TOR3A: variants seen among roughly 807,000 people sequenced by gnomAD.
TOR3A encodes the protein torsin family 3 member A.
A neutral mutation model predicts 42.1 loss-of-function variants in TOR3A; 44 were observed. That is an observed-to-expected ratio of 1.04 (90% CI 0.82 to 1.34). The LOEUF is 1.34. Ranked by LOEUF, TOR3A falls within the 40% of genes most tolerant of loss-of-function variation. TOR3A has a pLI of 0.00. For missense variants in TOR3A, 521 were observed against 507.6 expected, an observed-to-expected ratio of 1.03 and a Z score of -0.25; for synonymous variants, 227 against 213.2, an observed-to-expected ratio of 1.06 and a Z score of -0.57.
Position 179,082,647 on chromosome 1 carries a change from C to T in TOR3A, c.259+260C>T, listed in dbSNP as rs183311629. On this transcript the variant is annotated intron_variant, in intron 1 of 5. Transcript: ENST00000367627. ...CGCCTCCCCTGATCCCTGCGCTTTC[C>T]AGATTCTCTCGCACCGCCTGTGCCA... The T allele has an allele frequency of 3.8e-5, 27 of 712,064 alleles. No individual in the cohort carries two copies. The Admixed American group carries it at 3.8e-4, about 10-fold the overall frequency. 44.1% of individuals were successfully genotyped at this position (712,064 alleles called of 1,614,324 possible).
intron 4 of TOR3A, among the ~76,000 whole-genome samples, chr1:179,089,711 C>T (rs778933510): frequency 1.3e-5 from 2 of 152,174 alleles, no homozygotes; most frequent in Admixed American, 6.5e-5. Context: ...AGCCCTGGGT[C>T]GGGCAGTCCA....
Position 179,088,017 on chromosome 1 carries a change from G to GGT in TOR3A, c.747_748insTG (p.Pro250CysfsTer4). The GGT allele has an allele frequency of 1.2e-6, 2 of 1,613,628 alleles. No homozygotes were observed. Among genetic ancestry groups the GGT allele is most frequent in the South Asian group, 2.2e-5 (2 of 91,036 alleles). Reference sequence around the variant, plus strand: ...CACCCAGGGCTGCTGGAGGTCCTTGGGCCACACTTAGAACGCCGGGCCCCT... The same window carrying GGT: ...CACCCAGGGCTGCTGGAGGTCCTTGGGTGCCACACTTAGAACGCCGGGCCCCT... On this transcript the variant is annotated frameshift_variant, in exon 4 of 6. Transcript: ENST00000367627. LOFTEE classifies it high-confidence loss of function.
At chr1:179,083,188 T>G (rs747036186) in intron 2 of TOR3A, 135 bp downstream of exon 2, 2 of 527,542 alleles carry the variant, frequency 3.8e-6, no homozygotes, top group Non-Finnish European at 6.5e-6. Context: ...ACAGTCTGAC[T>G]GAAGTTTTGA....
chr1:179,082,507 G>GCCGC (rs1652317332), intron 1 of TOR3A, 120 bp downstream of exon 1: 5 of 1,396,272 alleles, frequency 3.6e-6, no homozygotes, highest in South Asian at 2.9e-5. Flanking sequence ...GCTCTGCTCA[G>GCCGC]CCGCCGGTAC....
chr1:179,088,674 C>T (rs1011921491), intron 4 of TOR3A, among the ~76,000 whole-genome samples: 4 of 152,196 alleles, frequency 2.6e-5, no homozygotes, highest in Non-Finnish European at 5.9e-5. Flanking sequence ...CTCTGAGTAC[C>T]TGTAGTTCAG....
chr1:179,084,516 G>A (rs1177122898), intron 2 of TOR3A, among the ~76,000 whole-genome samples: 2 of 152,166 alleles, frequency 1.3e-5, no homozygotes, highest in African/African-American at 2.4e-5. Flanking sequence ...GAACCACCTC[G>A]CCCAGCCAGT....
Position 179,089,716 on chromosome 1 carries a change from A to T in TOR3A, c.818+1627A>T, listed in dbSNP as rs149956341. ...TCTCCACCTGAGCCCTGGGTCGGGC[A>T]GTCCAGGGGACCCTCTGAACCACCG... On this transcript the variant is annotated intron_variant, in intron 4 of 5. Transcript: ENST00000367627. Among the ~76,000 whole-genome samples, 868 of 152,276 alleles carry T rather than the reference A, an allele frequency of 5.7e-3. 9 individuals are homozygous for T. The highest frequency in any genetic ancestry group is 0.02 in the African/African-American group (817 of 41,572).
chr1:179,088,889 C>T (rs753406652), intron 4 of TOR3A, among the ~76,000 whole-genome samples: 63 of 152,286 alleles, frequency 4.1e-4, no homozygotes, highest in Non-Finnish European at 8.2e-4. Context: ...CACAACAGCT[C>T]GAGCCTCGGT....
At position 179,082,071 on chromosome 1, in the gene TOR3A, G is replaced by A; in HGVS notation, c.-58G>A. 1 of 1,412,436 alleles carries A rather than the reference G, an allele frequency of 7.1e-7. No individual in the cohort carries two copies. Among genetic ancestry groups the A allele is most frequent in the Non-Finnish European group, 9.1e-7 (1 of 1,094,522 alleles). 87.5% of individuals were successfully genotyped at this position (1,412,436 alleles called of 1,614,324 possible). A position where few individuals can be genotyped will look rare whatever the true frequency, so the allele number is the denominator to read the frequency against. ...GTGCGGTCCCCGCCTGACCGCCCCG[G>A]GCTTAAGGGAGCCTGGCTAGGCCGG... is the stretch of plus-strand genomic sequence containing the variant. On this transcript the variant is annotated 5_prime_UTR_variant, in exon 1 of 6. Coordinates refer to ENST00000367627, the MANE Select transcript of TOR3A (RefSeq NM_022371.4).
chr1:179,082,513 G>T, intron 1 of TOR3A, 126 bp downstream of exon 1: 18 of 1,364,972 alleles, frequency 1.3e-5, no homozygotes, highest in Non-Finnish European at 1.8e-5. Flanking sequence ...CTCAGCCGCC[G>T]GTACCGGCTG....
Position 179,095,124 on chromosome 1 carries a change from C to T in TOR3A, c.1100C>T (p.Ala367Val), listed in dbSNP as rs766828497. ...AAAGAAGAGACACTGGATGAAATAG[C>T]CCAGATGATGGTGTATGTCCCCAAG... is the stretch of plus-strand genomic sequence containing the variant. ...LYKEETLDEIAQMMVYVPKEE... is the reference protein window; with the variant it reads ...LYKEETLDEIVQMMVYVPKEE... The change falls in exon 6 of 6, where the codon GCC becomes GTC. Residue 367 changes from alanine (A) to valine (V), a missense_variant. Physicochemically the swap from Ala to Val is moderately conservative, Grantham distance 64. Transcript: ENST00000367627. 3 of 1,614,172 alleles carry T rather than the reference C, an allele frequency of 1.9e-6. No individual in the cohort carries two copies. The highest frequency in any genetic ancestry group is 2.5e-6 in the Non-Finnish European group (3 of 1,180,036).
intron 4 of TOR3A, 50 bp downstream of exon 4, chr1:179,088,139 T>A: frequency 6.7e-7 from 1 of 1,491,112 alleles, no homozygotes; most frequent in Non-Finnish European, 9.0e-7. Context: ...GGGAAGATAC[T>A]AGCTGGCAGT....
intron 4 of TOR3A, chr1:179,091,693 G>A (rs959193861): frequency 6.6e-6 from 1 of 152,374 alleles, no homozygotes; most frequent in Non-Finnish European, 1.5e-5. Context: ...AGGCCCTGGA[G>A]TCCATGCCCC....
intron 2 of TOR3A, among the ~76,000 whole-genome samples, chr1:179,084,909 G>C (rs1652387464): frequency 6.6e-6 from 1 of 152,204 alleles, no homozygotes. Context: ...CACTGGAGCT[G>C]CTCTCACCAA....
intron 4 of TOR3A, 39 bp downstream of exon 4, chr1:179,088,128 G>T (rs1221801530): frequency 1.3e-6 from 2 of 1,515,110 alleles, no homozygotes; most frequent in African/African-American, 2.8e-5. Context: ...GGCTGGGGGA[G>T]GGGAAGATAC....
In TOR3A at chr1:179,095,133, T is replaced by C; in HGVS notation, c.1109T>C (p.Met370Thr). The C allele has an allele frequency of 6.2e-7, 1 of 1,614,218 alleles. No individual in the cohort carries two copies. The highest frequency in any genetic ancestry group is 8.5e-7 in the Non-Finnish European group (1 of 1,180,046). ...ACACTGGATGAAATAGCCCAGATGA[T>C]GGTGTATGTCCCCAAGGAGGAACAA... is the stretch of plus-strand genomic sequence containing the variant. ...EETLDEIAQM[M>T]VYVPKEEQLF... The change falls in exon 6 of 6, where the codon ATG becomes ACG. Residue 370 changes from methionine to threonine, a missense_variant. Coordinates refer to ENST00000367627, the MANE Select transcript of TOR3A (RefSeq NM_022371.4).
chr1:179,085,475 T>A (rs1164719530), intron 2 of TOR3A, 153 bp from the exon 3 acceptor site: 1 of 862,586 alleles, frequency 1.2e-6, no homozygotes, highest in Non-Finnish European at 1.9e-6. Context: ...CTACAAAGTC[T>A]GCCCTCTGGC....
rs141834791 is a variant in TOR3A at position 179,085,894 on chromosome 1, G to A, written c.639+1G>A. ...CCCCAAATATGTGGACCTGTACAAG[G>A]TGAGGCCGACCAGGGCTGGGGTGAG... is the stretch of plus-strand genomic sequence containing the variant. On this transcript the variant is annotated splice_donor_variant, in intron 3 of 5. Coordinates refer to ENST00000367627, the MANE Select transcript of TOR3A (RefSeq NM_022371.4). LOFTEE classifies it high-confidence loss of function. 120 of 1,612,734 alleles carry A rather than the reference G, an allele frequency of 7.4e-5. No homozygotes were observed. Among genetic ancestry groups the A allele is most frequent in the Non-Finnish European group, 9.8e-5 (116 of 1,179,280 alleles).
intron 2 of TOR3A, among the ~76,000 whole-genome samples, chr1:179,083,733 G>A (rs1047201468): frequency 3.9e-5 from 6 of 152,000 alleles, no homozygotes; most frequent in African/African-American, 1.4e-4. Flanking sequence ...AATTAGTTTG[G>A]GTTGCTTGAT....
Sources: allele counts gnomAD v4.1 joint callset (sites outside exome capture counted in the v4.1 genomes callset), GRCh38; gene constraint gnomAD v4.1.1; transcripts MANE v1.5; gene names NCBI Gene and HGNC (gene_info 2026-07-23, HGNC 2026-07-21).